Variants in SERGEF observed in about 807,000 individuals in gnomAD.
The protein encoded by SERGEF is secretion regulating guanine nucleotide exchange factor.
In SERGEF, 51 loss-of-function variants were observed where a neutral mutation model predicts 50.0. That is an observed-to-expected ratio of 1.02 (90% CI 0.81 to 1.29). The LOEUF (loss-of-function observed/expected upper bound fraction) is 1.29, where lower values mean the gene tolerates loss of function less well. Ranked by LOEUF, SERGEF falls within the 50% of genes most tolerant of loss-of-function variation. The pLI, the probability that SERGEF is intolerant of heterozygous loss-of-function variation, is 0.00. For missense variants in SERGEF, 521 were observed against 557.0 expected, an observed-to-expected ratio of 0.94 and a Z score of 0.65; for synonymous variants, 205 against 212.4, an observed-to-expected ratio of 0.97 and a Z score of 0.30.
intron 6 of SERGEF, among the ~76,000 whole-genome samples, chr11:17,994,545 G>A (rs571720381): frequency 1.3e-5 from 2 of 151,476 alleles, no homozygotes; most frequent in South Asian, 2.1e-4. Context: ...AAGGCATTTC[G>A]GGCAGAGGTA....
chr11:17,996,204 C>T (rs1853834466), intron 5 of SERGEF, among the ~76,000 whole-genome samples: 1 of 152,128 alleles, frequency 6.6e-6, no homozygotes, highest in Non-Finnish European at 1.5e-5. Flanking sequence ...TGGAATGACA[C>T]CTTATTCATG....
intron 10 of SERGEF, among the ~76,000 whole-genome samples, chr11:17,873,723 C>T (rs919324220): frequency 1.3e-5 from 2 of 152,032 alleles, no homozygotes; most frequent in Non-Finnish European, 2.9e-5. Flanking sequence ...CAATAACCAA[C>T]CCTTTAACAA....
chr11:18,012,893 G>A, intron 1 of SERGEF, 58 bp downstream of exon 1: 1 of 1,533,188 alleles, frequency 6.5e-7, no homozygotes, highest in South Asian at 1.2e-5. Flanking sequence ...GCGGCCAGCA[G>A]CTCCCACATC....
intron 10 of SERGEF, among the ~76,000 whole-genome samples, chr11:17,839,050 A>T (rs1018365641): frequency 6.6e-6 from 1 of 152,242 alleles, no homozygotes. Flanking sequence ...GGCAGATAAA[A>T]TAACTGGTAA....
chr11:17,996,239 T>TC (rs1443730074), intron 5 of SERGEF, among the ~76,000 whole-genome samples: 1 of 151,982 alleles, frequency 6.6e-6, no homozygotes, highest in Non-Finnish European at 1.5e-5. Flanking sequence ...ACAACTCAGA[T>TC]CCCAGACAAA....
chr11:17,889,498 C>T (rs1419519679), intron 9 of SERGEF, among the ~76,000 whole-genome samples: 1 of 152,090 alleles, frequency 6.6e-6, no homozygotes, highest in Admixed American at 6.5e-5. Context: ...AACAACTGTC[C>T]TGTACTCTTA....
chr11:17,881,159 T>C (rs1312554148), intron 9 of SERGEF, among the ~76,000 whole-genome samples: 1 of 152,244 alleles, frequency 6.6e-6, no homozygotes, highest in Non-Finnish European at 1.5e-5. Flanking sequence ...TGTTCTTTAC[T>C]GCTACATCAT....
intron 9 of SERGEF, among the ~76,000 whole-genome samples, chr11:17,899,975 A>G (rs910263320): frequency 6.6e-6 from 1 of 152,100 alleles, no homozygotes; most frequent in Admixed American, 6.5e-5. Context: ...AAACTAAATA[A>G]AAAATTAATG....
intron 8 of SERGEF, among the ~76,000 whole-genome samples, chr11:17,978,529 G>A (rs1853427254): frequency 6.6e-6 from 1 of 152,174 alleles, no homozygotes; most frequent in South Asian, 2.1e-4. Context: ...AAATCATTAA[G>A]ACCAGGCCCT....
chr11:17,822,571 G>A (rs899741208), intron 10 of SERGEF, among the ~76,000 whole-genome samples: 4 of 152,148 alleles, frequency 2.6e-5, no homozygotes, highest in South Asian at 2.1e-4. Context: ...CCTCTGGAGC[G>A]GCTCCCTGTG....
intron 10 of SERGEF, among the ~76,000 whole-genome samples, chr11:17,791,523 A>G (rs1455346953): frequency 2.0e-5 from 3 of 152,244 alleles, no homozygotes; most frequent in Admixed American, 1.3e-4. Flanking sequence ...ACTACCATTG[A>G]AACAGAAAAA....
At chr11:17,829,548 G>A (rs1002813089) in intron 10 of SERGEF, among the ~76,000 whole-genome samples, 7 of 152,014 alleles carry the variant, frequency 4.6e-5, no homozygotes, top group Non-Finnish European at 1.0e-4. Context: ...ATTCTTTATG[G>A]GTAAGCAAAA....
At chr11:17,811,845 C>T (rs573363807) in intron 10 of SERGEF, among the ~76,000 whole-genome samples, 111 of 152,352 alleles carry the variant, frequency 7.3e-4, no homozygotes, top group African/African-American at 2.6e-3. Context: ...TGTAACAGAA[C>T]AGGCTGGCAG....
intron 10 of SERGEF, among the ~76,000 whole-genome samples, chr11:17,852,449 T>C (rs1850731311): frequency 6.6e-6 from 1 of 152,182 alleles, no homozygotes; most frequent in Admixed American, 6.5e-5. Context: ...ACAAGGAGAC[T>C]TCTCTTGGTT....
chr11:17,838,908 G>A (rs1466102235), intron 10 of SERGEF, among the ~76,000 whole-genome samples: 1 of 152,168 alleles, frequency 6.6e-6, no homozygotes, highest in Non-Finnish European at 1.5e-5. Context: ...AGAAGACCAG[G>A]ATTTGAAAAA....
intron 9 of SERGEF, among the ~76,000 whole-genome samples, chr11:17,920,057 C>T (rs1852124164): frequency 6.6e-6 from 1 of 151,780 alleles, no homozygotes; most frequent in Admixed American, 6.6e-5. Context: ...ACTATCCTGG[C>T]TAAAACGGTG....
intron 10 of SERGEF, among the ~76,000 whole-genome samples, chr11:17,860,981 C>G (rs1850916508): frequency 6.6e-6 from 1 of 152,122 alleles, no homozygotes. Context: ...AGGCTAAACC[C>G]TCTCCACCCT....
chr11:17,823,467 G>A (rs1366541319), intron 10 of SERGEF, among the ~76,000 whole-genome samples: 1 of 152,080 alleles, frequency 6.6e-6, no homozygotes, highest in Non-Finnish European at 1.5e-5. Flanking sequence ...AGTTTGGATG[G>A]AGCCTGAAAG....
At chr11:17,940,200 A>G (rs568475641) in intron 9 of SERGEF, among the ~76,000 whole-genome samples, 2 of 152,284 alleles carry the variant, frequency 1.3e-5, no homozygotes, top group East Asian at 3.9e-4. Flanking sequence ...AGACCAAAAA[A>G]GAGGGGTCAA....
Sources: gnomAD v4.1 joint callset for allele counts (sites outside exome capture counted in the v4.1 genomes callset) on GRCh38, gnomAD v4.1.1 for gene constraint, MANE v1.5 for transcripts, NCBI Gene and HGNC (gene_info 2026-07-23, HGNC 2026-07-21) for gene names.